The following ATP2B2 variants were observed in gnomAD, a reference collection of about 807,000 sequenced individuals.
ATP2B2 encodes ATPase plasma membrane Ca2+ transporting 2.
ATP2B2 carries 15 observed loss-of-function variants against 120.0 expected under a neutral mutation model. That is an observed-to-expected ratio of 0.12 (90% CI 0.08 to 0.19). ATP2B2 has a LOEUF of 0.19. Among genes scored for constraint, ATP2B2 ranks in the 10% least tolerant of loss-of-function variants. The pLI is 1.00. For missense variants in ATP2B2, 1,045 were observed against 1,719.8 expected (o/e 0.61, Z 6.94); for synonymous variants, 694 against 700.3 (o/e 0.99, Z 0.14).
chr3:10,338,362 C>G lies in ATP2B2; in HGVS notation c.3238-4G>C, dbSNP rs538534744. On this transcript the variant is annotated splice_polypyrimidine_tract_variant and splice_region_variant and intron_variant, in intron 21 of 22. Coordinates refer to ENST00000360273, the MANE Select transcript of ATP2B2 (RefSeq NM_001001331.4). ...TGGTCGGGATGGTGGCGATGACCTGCAAGGGACCCTGTCTGTCAGGACGGT... is the reference window on the plus strand; with the variant it reads ...TGGTCGGGATGGTGGCGATGACCTGGAAGGGACCCTGTCTGTCAGGACGGT... The G allele has an allele frequency of 1.2e-6, 2 of 1,614,134 alleles. No homozygotes were observed. The highest frequency in any genetic ancestry group is 2.2e-5 in the East Asian group (1 of 44,856).
chr3:10,506,491 G>A (rs1264870841), upstream of ATP2B2, among the ~76,000 whole-genome samples: 1 of 152,196 alleles, frequency 6.6e-6, no homozygotes, highest in Non-Finnish European at 1.5e-5. Flanking sequence ...CTAGCCAGCT[G>A]CTCACCTCTT....
intron 2 of ATP2B2, among the ~76,000 whole-genome samples, chr3:10,579,004 G>A (rs930818637): frequency 2.0e-5 from 3 of 152,164 alleles, no homozygotes; most frequent in Non-Finnish European, 2.9e-5. Context: ...AGAAACAGAG[G>A]TAAAAATTCA....
At chr3:10,509,998 CAGA>C (rs1409219454), upstream of ATP2B2, among the ~76,000 whole-genome samples, 1 of 152,154 alleles carries the variant, frequency 6.6e-6, no homozygotes, top group Non-Finnish European at 1.5e-5. Context: ...GTGGAAGAAA[CAGA>C]AGGTGAGAGT....
chr3:10,398,082 T>C (rs2062099893), intron 5 of ATP2B2, among the ~76,000 whole-genome samples: 1 of 152,198 alleles, frequency 6.6e-6, no homozygotes, highest in Non-Finnish European at 1.5e-5. Flanking sequence ...TGTCCTGTGA[T>C]CATCTTTCTG....
At chr3:10,405,143 G>A (rs1284613048) in intron 3 of ATP2B2, among the ~76,000 whole-genome samples, 2 of 152,182 alleles carry the variant, frequency 1.3e-5, no homozygotes, top group African/African-American at 4.8e-5. Flanking sequence ...ATAACCCAAC[G>A]GATTTGTGAG....
intron 1 of ATP2B2, among the ~76,000 whole-genome samples, chr3:10,453,272 T>A (rs971234960): frequency 2.0e-5 from 3 of 152,242 alleles, no homozygotes; most frequent in African/African-American, 7.2e-5. Flanking sequence ...ACCTCATAGA[T>A]GTTATGAGGC....
At chr3:10,677,497 G>C (rs886812759) in intron 1 of ATP2B2, among the ~76,000 whole-genome samples, 7 of 152,126 alleles carry the variant, frequency 4.6e-5, no homozygotes, top group Non-Finnish European at 1.0e-4. Context: ...TTATACATTT[G>C]TCCAGACCCA....
At chr3:10,475,626 C>T (rs768003255) in intron 1 of ATP2B2, among the ~76,000 whole-genome samples, 4 of 151,888 alleles carry the variant, frequency 2.6e-5, no homozygotes, top group African/African-American at 4.9e-5. Flanking sequence ...CTACACATGC[C>T]TGCCTAGGCT....
chr3:10,387,654 G>A (rs2061719430), intron 6 of ATP2B2, among the ~76,000 whole-genome samples: 1 of 152,208 alleles, frequency 6.6e-6, no homozygotes, highest in African/African-American at 2.4e-5. Flanking sequence ...CTGAGAGACA[G>A]TTTTAGCCTG....
At chr3:10,525,127 G>A (rs1005202629) in intron 3 of ATP2B2, among the ~76,000 whole-genome samples, 4 of 152,210 alleles carry the variant, frequency 2.6e-5, no homozygotes, top group Non-Finnish European at 4.4e-5. Flanking sequence ...GGAGGAGGCA[G>A]CAGAGGGGAA....
At chr3:10,641,520 A>AT (rs1418699885) in intron 1 of ATP2B2, among the ~76,000 whole-genome samples, 2 of 152,146 alleles carry the variant, frequency 1.3e-5, no homozygotes, top group Admixed American at 6.5e-5. Flanking sequence ...AATACTAAAT[A>AT]TTTTTTCTAG....
chr3:10,518,378 G>A (rs1044346688), intron 3 of ATP2B2, among the ~76,000 whole-genome samples: 29 of 152,194 alleles, frequency 1.9e-4, no homozygotes, highest in Non-Finnish European at 4.1e-4. Context: ...AACCAGGACC[G>A]TGGGTTTAGG....
At chr3:10,707,666 G>A (rs1167893313) in intron 1 of ATP2B2, among the ~76,000 whole-genome samples, 2 of 152,076 alleles carry the variant, frequency 1.3e-5, no homozygotes, top group African/African-American at 4.8e-5. Flanking sequence ...CGCAGGCGCC[G>A]GGTCCGCGGA....
rs2067180152 is a variant in ATP2B2, at chr3:10,530,131, T to C, written c.-320+3908A>G. ...AGACTCTCTTTTCGCAGTGCTCAGG[T>C]GGCTGAGAGCGACCGACACAGTCCC... On this transcript the variant is annotated intron_variant, in intron 3 of 21. Coordinates refer to the ATP2B2 transcript ENST00000646379. Among the ~76,000 whole-genome samples the C allele has an allele frequency of 4.6e-5, 7 of 152,284 alleles. No individual in the cohort carries two copies. The South Asian group carries it at 1.5e-3, about 32-fold the overall frequency.
At chr3:10,622,093 C>T (rs375982829) in intron 1 of ATP2B2, among the ~76,000 whole-genome samples, 16 of 152,180 alleles carry the variant, frequency 1.1e-4, no homozygotes, top group East Asian at 5.8e-4. Context: ...CCACCTGTCA[C>T]GCCCAGCACC....
At chr3:10,519,064 A>C (rs543647211) in intron 3 of ATP2B2, among the ~76,000 whole-genome samples, 1 of 152,380 alleles carries the variant, frequency 6.6e-6, no homozygotes, top group South Asian at 2.1e-4. Flanking sequence ...TTCTTACAAC[A>C]ACCCCACAAG....
rs151151109 is a variant in ATP2B2 at position 10,623,410 on chromosome 3, C to T, written c.-459-3449G>A. 2.0e-5 allele frequency among the ~76,000 whole-genome samples: 3 copies of T among 152,290 alleles called. No homozygotes were observed. The East Asian group carries it at 5.8e-4, about 29-fold the overall frequency. On this transcript the variant is annotated intron_variant, in intron 1 of 21. Coordinates refer to the ATP2B2 transcript ENST00000646379. The stretch of plus-strand genomic sequence containing the variant: ...AACAAGGAAGAATAAACCACCCATT[C>T]TACTTTCAAATGGTTTATAAACTAG...
intron 1 of ATP2B2, among the ~76,000 whole-genome samples, chr3:10,693,653 G>A (rs2071702498): frequency 6.6e-6 from 1 of 152,208 alleles, no homozygotes; most frequent in East Asian, 1.9e-4. Flanking sequence ...AGAGATATGA[G>A]CCTACTTCAT....
chr3:10,546,665 C>T (rs979942474), intron 2 of ATP2B2, among the ~76,000 whole-genome samples: 2 of 152,156 alleles, frequency 1.3e-5, no homozygotes, highest in South Asian at 2.1e-4. Flanking sequence ...ATAAATTAGC[C>T]CCCAAAGTCC....
Sources: allele counts gnomAD v4.1 joint callset (sites outside exome capture counted in the v4.1 genomes callset), GRCh38; gene constraint gnomAD v4.1.1; transcripts MANE v1.5; gene names NCBI Gene and HGNC (gene_info 2026-07-23, HGNC 2026-07-21).